Variants in TMEM232 observed in about 807,000 individuals in gnomAD.
TMEM232 encodes the protein transmembrane protein 232.
TMEM232 carries 80 observed loss-of-function variants against 78.8 expected under a neutral mutation model. The ratio of observed to expected loss-of-function variants is 1.01; its 90% CI spans 0.85 to 1.22. TMEM232 has a LOEUF of 1.22. Ranked by LOEUF, TMEM232 falls within the 50% of genes most tolerant of loss-of-function variation. The pLI is 0.00. For synonymous variants in TMEM232, 297 were observed against 254.3 expected, an observed-to-expected ratio of 1.17 and a Z score of -1.60; for missense variants, 881 against 742.2, an observed-to-expected ratio of 1.19 and a Z score of -2.17.
At chr5:110,455,175 A>G (rs1414209012) in intron 12 of TMEM232, among the ~76,000 whole-genome samples, 1 of 152,220 alleles carries the variant, frequency 6.6e-6, no homozygotes, top group Non-Finnish European at 1.5e-5. Context: ...CTTCCAAGAA[A>G]AAAAATGCCA....
chr5:110,737,737 T>C (rs1361496320), intron 1 of TMEM232, among the ~76,000 whole-genome samples: 1 of 152,214 alleles, frequency 6.6e-6, no homozygotes, highest in African/African-American at 2.4e-5. Flanking sequence ...ACATTAAAGC[T>C]ACTGTTCCAT....
At chr5:110,505,535 C>A (rs1766780923) in intron 12 of TMEM232, among the ~76,000 whole-genome samples, 1 of 152,184 alleles carries the variant, frequency 6.6e-6, no homozygotes, top group South Asian at 2.1e-4. Flanking sequence ...GAAACAGAGT[C>A]TTGATATGTC....
chr5:110,529,751 C>T (rs963955863), intron 11 of TMEM232, among the ~76,000 whole-genome samples: 2 of 151,900 alleles, frequency 1.3e-5, no homozygotes, highest in Non-Finnish European at 1.5e-5. Flanking sequence ...TTTCCTTTTC[C>T]TGTTTGATAA....
At chr5:110,733,449 C>G (rs149641511) in intron 2 of TMEM232, among the ~76,000 whole-genome samples, 110 of 152,240 alleles carry the variant, frequency 7.2e-4, no homozygotes, top group African/African-American at 2.6e-3. Flanking sequence ...AACCTAAATG[C>G]CCATCACTGC....
chr5:110,463,119 A>C (rs1376788718), intron 12 of TMEM232, among the ~76,000 whole-genome samples: 2 of 152,170 alleles, frequency 1.3e-5, no homozygotes. Context: ...TTCAGGTTAC[A>C]GAGAAATCTT....
At chr5:110,596,859 G>A (rs186746560) in intron 10 of TMEM232, among the ~76,000 whole-genome samples, 3,788 of 152,118 alleles carry the variant, frequency 0.025, 155 homozygotes, top group African/African-American at 0.087. Context: ...TTGATGGGAC[G>A]TATCTCAAAA....
chr5:110,398,069 T>C (rs1755455959), intron 2 of TMEM232, among the ~76,000 whole-genome samples: 1 of 152,122 alleles, frequency 6.6e-6, no homozygotes, highest in South Asian at 2.1e-4. Flanking sequence ...TCTTATTAAC[T>C]CAGTTTTCAA....
chr5:110,482,284 A>C (rs1191963704), intron 12 of TMEM232, among the ~76,000 whole-genome samples: 3 of 152,024 alleles, frequency 2.0e-5, no homozygotes, highest in Non-Finnish European at 2.9e-5. Flanking sequence ...TGAAACATTA[A>C]AAAAAATTTA....
intron 12 of TMEM232, among the ~76,000 whole-genome samples, chr5:110,438,179 A>G (rs1490924008): frequency 8.2e-6 from 1 of 122,502 alleles, no homozygotes; most frequent in Admixed American, 7.3e-5. Flanking sequence ...GGCATTCAGT[A>G]TTTTGAGTAA....
At chr5:110,509,258 T>C (rs768365270) in intron 12 of TMEM232, among the ~76,000 whole-genome samples, 2 of 151,412 alleles carry the variant, frequency 1.3e-5, no homozygotes, top group Admixed American at 6.6e-5. Flanking sequence ...AGCAACACTT[T>C]GTCTGTACAA....
intron 1 of TMEM232, among the ~76,000 whole-genome samples, chr5:110,668,886 C>A (rs1219647017): frequency 3.9e-5 from 6 of 152,086 alleles, no homozygotes; most frequent in Non-Finnish European, 7.4e-5. Context: ...TTACTGGGTA[C>A]ATAACGAAAT....
chr5:110,474,047 T>C (rs762310593), intron 12 of TMEM232, among the ~76,000 whole-genome samples: 32 of 151,486 alleles, frequency 2.1e-4, no homozygotes, highest in Non-Finnish European at 4.1e-4. Context: ...TACAGCTAGA[T>C]AAAATAAGTA....
chr5:110,663,566 T>G (rs112167222), intron 2 of TMEM232, among the ~76,000 whole-genome samples: 17 of 152,114 alleles, frequency 1.1e-4, no homozygotes, highest in African/African-American at 4.1e-4. Flanking sequence ...TAAGAAAATT[T>G]TATAAATAAC....
chr5:110,414,915 T>C (rs1021999923), downstream of TMEM232, among the ~76,000 whole-genome samples: 8 of 152,186 alleles, frequency 5.3e-5, no homozygotes, highest in African/African-American at 1.9e-4. Flanking sequence ...CTAATTTCTG[T>C]CTATTTGGTC....
At position 110,581,142 on chromosome 5, in the gene TMEM232, T is replaced by C. The variant is rs566065209; in HGVS notation, c.1277-12517A>G. 1.5e-4 allele frequency among the ~76,000 whole-genome samples: 23 copies of C among 151,844 alleles called. No individual in the cohort carries two copies. The East Asian group carries it at 4.5e-3, about 29-fold the overall frequency. The stretch of plus-strand genomic sequence containing the variant: ...TTACCAAACTACCAGTATTATTTTT[T>C]ACAGAAATAGAAAAAAAACACAATT... On this transcript the variant is annotated intron_variant, in intron 10 of 13. Transcript: ENST00000455884.
chr5:110,424,941 C>G lies in TMEM232; in HGVS notation c.1704-25G>C, dbSNP rs903086447. On this transcript the variant is annotated intron_variant, in intron 12 of 13. Transcript: ENST00000455884. ...CCTTCAAAAGAGCACAAGAACAAATCCAACATTAGGTATAGGTACTCCTAT... is the reference window on the plus strand; with the variant it reads ...CCTTCAAAAGAGCACAAGAACAAATGCAACATTAGGTATAGGTACTCCTAT... 6.0e-6 allele frequency: 9 copies of G among 1,497,654 alleles called. No individual in the cohort carries two copies. The African/African-American group carries it at 8.4e-5, about 14-fold the overall frequency. 92.8% of individuals were successfully genotyped at this position (1,497,654 alleles called of 1,614,324 possible).
intron 2 of TMEM232, among the ~76,000 whole-genome samples, chr5:110,642,863 T>C (rs1786935831): frequency 6.6e-6 from 1 of 152,074 alleles, no homozygotes; most frequent in Non-Finnish European, 1.5e-5. Context: ...CCATATTAAC[T>C]ACATGAGATG....
At chr5:110,578,522 G>C (rs909684025) in intron 10 of TMEM232, among the ~76,000 whole-genome samples, 6 of 151,886 alleles carry the variant, frequency 4.0e-5, no homozygotes, top group African/African-American at 9.7e-5. Flanking sequence ...CAAAATTGGT[G>C]ACACCAAATC....
At chr5:110,660,544 C>CA (rs1302906523) in intron 2 of TMEM232, among the ~76,000 whole-genome samples, 10 of 151,912 alleles carry the variant, frequency 6.6e-5, no homozygotes, top group African/African-American at 2.4e-4. Flanking sequence ...TAAAAAGAAA[C>CA]ACTGATTACT....
Sources: gnomAD v4.1 joint callset for allele counts (sites outside exome capture counted in the v4.1 genomes callset) on GRCh38, gnomAD v4.1.1 for gene constraint, MANE v1.5 for transcripts, NCBI Gene and HGNC (gene_info 2026-07-23, HGNC 2026-07-21) for gene names.